The following BCKDHB variants were observed in gnomAD, a reference collection of about 807,000 sequenced individuals.
The protein encoded by BCKDHB is 2-oxoisovalerate dehydrogenase subunit beta, mitochondrial.
Under a neutral mutation model 48.5 loss-of-function variants are expected in BCKDHB, and 41 were observed. The observed-to-expected ratio is 0.85, with a 90% CI of 0.66 to 1.10. The LOEUF (loss-of-function observed/expected upper bound fraction) is 1.10. Among genes scored for constraint, BCKDHB ranks in the 50% least tolerant of loss-of-function variants. BCKDHB has a pLI of 0.00. For synonymous variants in BCKDHB, 201 were observed against 174.8 expected, an observed-to-expected ratio of 1.15 and a Z score of -1.18; for missense variants, 496 against 494.2, an observed-to-expected ratio of 1.00 and a Z score of -0.03.
chr6:80,423,710 A>G, the BCKDHB span, among the ~76,000 whole-genome samples: 5 of 152,174 alleles, frequency 3.3e-5, no homozygotes, highest in South Asian at 2.1e-4. Context: ...CCTTTCACCT[A>G]CTAATTAGTT....
chr6:80,184,943 C>T (rs1369800217), intron 6 of BCKDHB, among the ~76,000 whole-genome samples: 1 of 152,116 alleles, frequency 6.6e-6, no homozygotes, highest in African/African-American at 2.4e-5. Flanking sequence ...ATAAATTTCC[C>T]AGGTGTTCTT....
intron 8 of BCKDHB, among the ~76,000 whole-genome samples, chr6:80,257,422 C>T (rs1279120186): frequency 1.1e-5 from 1 of 92,550 alleles, no homozygotes; most frequent in African/African-American, 3.8e-5. Context: ...CATATATATT[C>T]CTTAAAGATA....
chr6:80,325,318 C>A (rs1450378693), intron 9 of BCKDHB, among the ~76,000 whole-genome samples: 3 of 152,170 alleles, frequency 2.0e-5, no homozygotes, highest in Non-Finnish European at 4.4e-5. Flanking sequence ...TCTATAATTA[C>A]ATTTCTGGAG....
intron 9 of BCKDHB, among the ~76,000 whole-genome samples, chr6:80,309,578 G>A (rs1405795831): frequency 1.3e-5 from 2 of 151,418 alleles, no homozygotes; most frequent in South Asian, 4.2e-4. Context: ...TTGGCCTGTG[G>A]TTTTTTTTGT....
intron 8 of BCKDHB, among the ~76,000 whole-genome samples, chr6:80,248,902 ATGTGTGTGTGTGTG>A: frequency 6.8e-6 from 1 of 146,684 alleles, no homozygotes; most frequent in Non-Finnish European, 1.5e-5. Flanking sequence ...GTGTGTGTGT[ATGTGTGTGTGTGTG>A]TGTGTGTGTG....
At chr6:80,261,880 G>A (rs968679481) in intron 8 of BCKDHB, among the ~76,000 whole-genome samples, 2 of 152,040 alleles carry the variant, frequency 1.3e-5, no homozygotes, top group Non-Finnish European at 2.9e-5. Flanking sequence ...TTTAGTCTAT[G>A]TTTTGCTTCC....
At chr6:80,220,662 A>T (rs1009283984) in intron 8 of BCKDHB, among the ~76,000 whole-genome samples, 2 of 151,452 alleles carry the variant, frequency 1.3e-5, no homozygotes, top group Non-Finnish European at 2.9e-5. Context: ...ATCAGTGCTC[A>T]TAGGATAAGC....
chr6:80,289,047 A>G (rs1041724152), intron 9 of BCKDHB, among the ~76,000 whole-genome samples: 1 of 152,194 alleles, frequency 6.6e-6, no homozygotes, highest in Non-Finnish European at 1.5e-5. Context: ...CTGTTTTCTC[A>G]AAACATAGAT....
intron 1 of BCKDHB, among the ~76,000 whole-genome samples, chr6:80,113,660 A>T (rs1416292522): frequency 6.6e-6 from 1 of 152,208 alleles, no homozygotes; most frequent in African/African-American, 2.4e-5. Flanking sequence ...CTGGTGGAGG[A>T]TGTCCAGGTT....
intron 8 of BCKDHB, among the ~76,000 whole-genome samples, chr6:80,220,398 TAGTAGTG>T (rs1562148133): frequency 6.8e-5 from 9 of 132,442 alleles, no homozygotes; most frequent in Admixed American, 9.0e-5. Flanking sequence ...TCTGTTTCTT[TAGTAGTG>T]TTTTTTTTTT....
chr6:80,368,412 A>G, the BCKDHB span, among the ~76,000 whole-genome samples: 6 of 152,194 alleles, frequency 3.9e-5, no homozygotes, highest in African/African-American at 1.4e-4. Context: ...GTCAGCCTAG[A>G]TCATTCAGAG....
At chr6:80,291,630 C>T (rs1015362493) in intron 9 of BCKDHB, among the ~76,000 whole-genome samples, 7 of 152,140 alleles carry the variant, frequency 4.6e-5, no homozygotes, top group Non-Finnish European at 1.0e-4. Flanking sequence ...GAATATTGAT[C>T]TAATTTCTAC....
At chr6:80,317,670 G>A (rs12176343) in intron 9 of BCKDHB, among the ~76,000 whole-genome samples, 45,480 of 152,036 alleles carry the variant, frequency 0.3, 7,228 homozygotes, top group Non-Finnish European at 0.37. Flanking sequence ...TAACATATTC[G>A]TAGTTCGAAG....
chr6:80,386,407 T>A, the BCKDHB span, among the ~76,000 whole-genome samples: 8 of 151,950 alleles, frequency 5.3e-5, no homozygotes, highest in Non-Finnish European at 2.9e-5. Context: ...TCATGTTCTT[T>A]GCAGGAATAT....
chr6:80,201,480 A>C (rs1170751085), intron 7 of BCKDHB, among the ~76,000 whole-genome samples: 2 of 152,194 alleles, frequency 1.3e-5, no homozygotes, highest in East Asian at 3.9e-4. Flanking sequence ...ATGTATATGC[A>C]TGTGGTGGCC....
At chr6:80,176,456 C>G (rs949007853) in intron 6 of BCKDHB, among the ~76,000 whole-genome samples, 1 of 152,084 alleles carries the variant, frequency 6.6e-6, no homozygotes, top group Non-Finnish European at 1.5e-5. Context: ...TTTGATGATT[C>G]CATGGGGGCA....
intron 8 of BCKDHB, among the ~76,000 whole-genome samples, chr6:80,247,896 T>C (rs113135104): frequency 1.2e-4 from 19 of 152,356 alleles, no homozygotes; most frequent in African/African-American, 4.6e-4. Flanking sequence ...ACATTCAGAA[T>C]GATCCATAGC....
intron 6 of BCKDHB, among the ~76,000 whole-genome samples, chr6:80,183,727 T>G (rs2127794888): frequency 6.6e-6 from 1 of 152,300 alleles, no homozygotes; most frequent in East Asian, 1.9e-4. Flanking sequence ...CTAGAAATTT[T>G]CTGTGCTTCA....
At chr6:80,292,847 A>G (rs1046240738) in intron 9 of BCKDHB, among the ~76,000 whole-genome samples, 1 of 152,192 alleles carries the variant, frequency 6.6e-6, no homozygotes, top group Non-Finnish European at 1.5e-5. Flanking sequence ...AGTTGGCCAA[A>G]ACAGAAGGGC....
Sources: gnomAD v4.1 joint callset for allele counts (sites outside exome capture counted in the v4.1 genomes callset) on GRCh38, gnomAD v4.1.1 for gene constraint, MANE v1.5 for transcripts, NCBI Gene and HGNC (gene_info 2026-07-23, HGNC 2026-07-21) for gene names.